ROBO1: variants seen among roughly 807,000 people sequenced by gnomAD.
ROBO1 encodes roundabout guidance receptor 1, also known as roundabout homolog 1.
A neutral mutation model predicts 195.9 loss-of-function variants in ROBO1; 149 were observed. The ratio of observed to expected loss-of-function variants is 0.76; its 90% confidence interval spans 0.67 to 0.87. The LOEUF (loss-of-function observed/expected upper bound fraction) is 0.87, where lower values mean the gene tolerates loss of function less well. Among genes scored for constraint, ROBO1 ranks in the 40% least tolerant of loss-of-function variants. The pLI is 0.00. For missense variants in ROBO1, 1,933 were observed against 2,068.3 expected, an observed-to-expected ratio of 0.93 and a Z score of 1.27; for synonymous variants, 816 against 733.2, an observed-to-expected ratio of 1.11 and a Z score of -1.82.
chr3:78,712,124 C>G (rs1488448323), intron 8 of ROBO1, among the ~76,000 whole-genome samples: 3 of 151,038 alleles, frequency 2.0e-5, no homozygotes, highest in Admixed American at 6.6e-5. Flanking sequence ...CAAATGGCCA[C>G]CCTTATGTAA....
intron 3 of ROBO1, among the ~76,000 whole-genome samples, chr3:79,039,108 C>T (rs1337023638): frequency 1.3e-5 from 2 of 152,158 alleles, no homozygotes; most frequent in African/African-American, 4.8e-5. Flanking sequence ...AAATAATGTA[C>T]AGAAATAACT....
chr3:78,935,294 T>C (rs978659830), intron 4 of ROBO1, among the ~76,000 whole-genome samples: 5 of 152,046 alleles, frequency 3.3e-5, no homozygotes, highest in African/African-American at 1.2e-4. Context: ...AGGGAATTTT[T>C]CTTCCTCAGG....
chr3:79,016,644 AC>A (rs2077942729), intron 3 of ROBO1, among the ~76,000 whole-genome samples: 1 of 152,164 alleles, frequency 6.6e-6, no homozygotes, highest in South Asian at 2.1e-4. Flanking sequence ...TATTAATGTG[AC>A]CCTATCTTTA....
chr3:79,098,760 GC>G (rs1226643148), intron 3 of ROBO1, among the ~76,000 whole-genome samples: 1 of 151,692 alleles, frequency 6.6e-6, no homozygotes, highest in Non-Finnish European at 1.5e-5. Context: ...CATAGAAGAG[GC>G]TTTTTTTGGC....
At chr3:79,080,618 CAT>C (rs2079255421) in intron 3 of ROBO1, among the ~76,000 whole-genome samples, 1 of 151,944 alleles carries the variant, frequency 6.6e-6, no homozygotes, top group Non-Finnish European at 1.5e-5. Context: ...TTGCATAAAG[CAT>C]TATTACTATT....
intron 4 of ROBO1, among the ~76,000 whole-genome samples, chr3:78,890,729 G>C (rs1462511295): frequency 8.5e-5 from 13 of 152,088 alleles, no homozygotes. Flanking sequence ...ATCTAAATAA[G>C]TGGCTTCATT....
chr3:79,512,336 G>A lies in ROBO1; in HGVS notation c.88+77488C>T, dbSNP rs560978539. Among the ~76,000 whole-genome samples, 24 of 152,088 alleles carry A rather than the reference G, an allele frequency of 1.6e-4. No homozygotes were observed. In the South Asian group the frequency reaches 4.8e-3, roughly 30 times the overall value. ...TTTAAAAATCAATTATAAGTCTTGT[G>A]CTATATTGAATTCACCATTTTTTTG... On this transcript the variant is annotated intron_variant, in intron 2 of 30. Coordinates refer to ENST00000464233, the MANE Select transcript of ROBO1 (RefSeq NM_002941.4).
chr3:79,287,086 A>C (rs1382682884), intron 2 of ROBO1, among the ~76,000 whole-genome samples: 2 of 152,212 alleles, frequency 1.3e-5, no homozygotes, highest in Non-Finnish European at 2.9e-5. Flanking sequence ...TCTTATAAAA[A>C]ATTTAGGATT....
At chr3:78,773,735 A>T (rs2083436289) in intron 4 of ROBO1, among the ~76,000 whole-genome samples, 1 of 152,192 alleles carries the variant, frequency 6.6e-6, no homozygotes, top group Admixed American at 6.5e-5. Context: ...CATTGATTCC[A>T]TCCACCTTCC....
At chr3:78,973,626 G>A (rs934195237) in intron 3 of ROBO1, among the ~76,000 whole-genome samples, 1 of 145,720 alleles carries the variant, frequency 6.9e-6, no homozygotes, top group African/African-American at 2.5e-5. Flanking sequence ...ACAGCTTGAA[G>A]GTAAACTTTT....
At chr3:79,543,968 A>G (rs997454259) in intron 2 of ROBO1, among the ~76,000 whole-genome samples, 1 of 152,144 alleles carries the variant, frequency 6.6e-6, no homozygotes, top group African/African-American at 2.4e-5. Flanking sequence ...GACTAAACAA[A>G]AAATGAGGAA....
intron 2 of ROBO1, among the ~76,000 whole-genome samples, chr3:79,514,828 C>T (rs907801714): frequency 1.3e-5 from 2 of 152,138 alleles, no homozygotes; most frequent in African/African-American, 2.4e-5. Context: ...TTATGAACTA[C>T]TCATTGAACT....
intron 2 of ROBO1, among the ~76,000 whole-genome samples, chr3:79,544,156 T>C (rs1942178494): frequency 1.3e-5 from 2 of 152,048 alleles, no homozygotes; most frequent in African/African-American, 4.8e-5. Context: ...AAAGCCTTTT[T>C]TCTTTAGCCC....
chr3:79,232,653 A>G (rs1310859964), intron 2 of ROBO1, among the ~76,000 whole-genome samples: 6 of 152,122 alleles, frequency 3.9e-5, no homozygotes, highest in Non-Finnish European at 4.4e-5. Flanking sequence ...CAAATGAAAG[A>G]TTATTCAACT....
At chr3:78,986,146 C>T (rs576753971) in intron 3 of ROBO1, among the ~76,000 whole-genome samples, 1 of 152,104 alleles carries the variant, frequency 6.6e-6, no homozygotes, top group African/African-American at 2.4e-5. Context: ...AAAATGAGAA[C>T]CCAGATGATA....
chr3:79,581,703 T>C (rs993259237), intron 2 of ROBO1, among the ~76,000 whole-genome samples: 4 of 152,130 alleles, frequency 2.6e-5, no homozygotes, highest in African/African-American at 7.2e-5. Flanking sequence ...TCCAATCATT[T>C]GTAATACCAC....
At chr3:79,142,654 A>C (rs2080552022) in intron 2 of ROBO1, among the ~76,000 whole-genome samples, 1 of 152,062 alleles carries the variant, frequency 6.6e-6, no homozygotes, top group Non-Finnish European at 1.5e-5. Flanking sequence ...ATTGATTAGC[A>C]CATGTGTGGG....
At chr3:78,899,097 T>C (rs564223946) in intron 4 of ROBO1, among the ~76,000 whole-genome samples, 2 of 152,332 alleles carry the variant, frequency 1.3e-5, no homozygotes, top group Admixed American at 1.3e-4. Flanking sequence ...TTATCAAATT[T>C]TGGAGTCATT....
chr3:78,647,384 C>T (rs1463768514), intron 20 of ROBO1, among the ~76,000 whole-genome samples: 5 of 151,988 alleles, frequency 3.3e-5, no homozygotes, highest in Non-Finnish European at 7.4e-5. Flanking sequence ...CTTAATGAAA[C>T]ACATGCAAAC....
Sources: allele counts gnomAD v4.1 joint callset (sites outside exome capture counted in the v4.1 genomes callset), GRCh38; gene constraint gnomAD v4.1.1; transcripts MANE v1.5; gene names NCBI Gene and HGNC (gene_info 2026-07-23, HGNC 2026-07-21).